Variants in CRACDL observed in about 807,000 individuals in gnomAD.
CRACDL encodes CRACD like.
Under a neutral mutation model 70.6 loss-of-function variants are expected in CRACDL, and 26 were observed. The ratio of observed to expected loss-of-function variants is 0.37; its 90% CI spans 0.27 to 0.51. CRACDL has a LOEUF of 0.51. Among genes scored for constraint, CRACDL ranks in the 20% least tolerant of loss-of-function variants. The probability of loss-of-function intolerance (pLI) is 0.94; values close to 1 mark genes in which losing one functional copy is unlikely to be tolerated. For missense variants in CRACDL, 1,283 were observed against 1,376.9 expected (o/e 0.93, Z 1.08); for synonymous variants, 618 against 615.2 (o/e 1.00, Z -0.07).
chr2:98,841,168 C>A (rs1488032812), intron 2 of CRACDL, among the ~76,000 whole-genome samples: 1 of 152,124 alleles, frequency 6.6e-6, no homozygotes, highest in African/African-American at 2.4e-5. Flanking sequence ...ACTATCCTTA[C>A]TTTTCTGAAC....
intron 3 of CRACDL, among the ~76,000 whole-genome samples, chr2:98,835,354 C>T (rs1705727300): frequency 6.6e-6 from 1 of 152,158 alleles, no homozygotes; most frequent in East Asian, 1.9e-4. Context: ...AAGGAGGGAG[C>T]CAGGGTCCTG....
At chr2:98,932,119 G>A (rs1024630271) in intron 1 of CRACDL, among the ~76,000 whole-genome samples, 2 of 152,276 alleles carry the variant, frequency 1.3e-5, no homozygotes, top group African/African-American at 2.4e-5. Context: ...GATTTTGAAC[G>A]CTGGCTGTCT....
chr2:98,915,548 T>C (rs1708643779), intron 1 of CRACDL, among the ~76,000 whole-genome samples: 1 of 152,004 alleles, frequency 6.6e-6, no homozygotes, highest in Non-Finnish European at 1.5e-5. Context: ...GAAAGTCACC[T>C]AGATCACAGA....
chr2:98,900,627 G>A (rs114660105), intron 1 of CRACDL, among the ~76,000 whole-genome samples: 5,830 of 152,186 alleles, frequency 0.038, 157 homozygotes, highest in Middle Eastern at 0.071. Context: ...GCATGCGTGC[G>A]TGCAGGTGTG....
intron 7 of CRACDL, 64 bp downstream of exon 7, chr2:98,821,793 G>C (rs999592709): frequency 1.9e-6 from 3 of 1,564,188 alleles, no homozygotes; most frequent in Non-Finnish European, 2.6e-6. Flanking sequence ...TGTCCAGCAA[G>C]ATGTGCCCGT....
At chr2:98,890,692 T>C (rs1349886142) in intron 1 of CRACDL, among the ~76,000 whole-genome samples, 1 of 152,198 alleles carries the variant, frequency 6.6e-6, no homozygotes, top group Non-Finnish European at 1.5e-5. Context: ...GCATTCCAAA[T>C]CCAAAAATCC....
Position 98,883,829 on chromosome 2 carries a change from G to A in CRACDL, c.-10-37019C>T, listed in dbSNP as rs186591374. ...GTCATCCAGGCTGTTGTTTAGGACC[G>A]AATGAGATGATGTAATGTACAAAGG... is the stretch of plus-strand genomic sequence containing the variant. On this transcript the variant is annotated intron_variant, in intron 1 of 9. Coordinates refer to ENST00000397899, the MANE Select transcript of CRACDL (RefSeq NM_207362.3). Among the ~76,000 whole-genome samples, 48 of 152,292 alleles carry A rather than the reference G, an allele frequency of 3.2e-4. 1 individual carries two copies. In the East Asian group the frequency reaches 8.5e-3, roughly 27 times the overall value.
intron 1 of CRACDL, among the ~76,000 whole-genome samples, chr2:98,878,382 A>C (rs1376626961): frequency 3.3e-5 from 5 of 152,212 alleles, no homozygotes; most frequent in African/African-American, 9.6e-5. Context: ...TTGTATTACA[A>C]TTGCCTACAG....
chr2:98,906,727 A>G (rs1708426874), intron 1 of CRACDL, among the ~76,000 whole-genome samples: 1 of 151,926 alleles, frequency 6.6e-6, no homozygotes, highest in Non-Finnish European at 1.5e-5. Context: ...TATTAGTCTC[A>G]TTGTCCTGCC....
At chr2:98,819,225 T>C (rs1489831196) in intron 7 of CRACDL, among the ~76,000 whole-genome samples, 1 of 152,242 alleles carries the variant, frequency 6.6e-6, no homozygotes, top group Non-Finnish European at 1.5e-5. Context: ...AACTTACATA[T>C]AAATAATGGG....
intron 1 of CRACDL, among the ~76,000 whole-genome samples, chr2:98,887,361 A>C (rs1036420713): frequency 6.6e-6 from 1 of 152,148 alleles, no homozygotes; most frequent in Non-Finnish European, 1.5e-5. Context: ...TGTTGTGTGC[A>C]CCTGTAGTCC....
rs527896675 is a variant in CRACDL, at chr2:98,843,239, T to C, written c.70+3492A>G. ...TAAAATTTGCTCCCCATTTTGTAACTGAGTTATTTGTTTTCTTATTTTTGA... is the reference window on the plus strand; with the variant it reads ...TAAAATTTGCTCCCCATTTTGTAACCGAGTTATTTGTTTTCTTATTTTTGA... On this transcript the variant is annotated intron_variant, in intron 2 of 9. Transcript: ENST00000397899. 2.0e-5 allele frequency among the ~76,000 whole-genome samples: 3 copies of C among 152,202 alleles called. No individual in the cohort carries two copies. The South Asian group carries it at 6.2e-4, about 31-fold the overall frequency.
At chr2:98,927,490 C>G (rs1273931045) in intron 1 of CRACDL, among the ~76,000 whole-genome samples, 1 of 147,692 alleles carries the variant, frequency 6.8e-6, no homozygotes. Flanking sequence ...GGTAAAGACT[C>G]ATCTCTTGGG....
intron 2 of CRACDL, among the ~76,000 whole-genome samples, chr2:98,839,560 A>G (rs187388281): frequency 6.6e-6 from 1 of 152,260 alleles, no homozygotes; most frequent in Non-Finnish European, 1.5e-5. Flanking sequence ...TGCTTACAGC[A>G]TTAATGGTCT....
intron 7 of CRACDL, among the ~76,000 whole-genome samples, chr2:98,802,918 G>A (rs530477605): frequency 2.2e-4 from 33 of 152,068 alleles, no homozygotes; most frequent in African/African-American, 7.7e-4. Flanking sequence ...GAAAAATTTG[G>A]TACATGGTGT....
intron 7 of CRACDL, among the ~76,000 whole-genome samples, chr2:98,800,875 A>G (rs557464310): frequency 6.6e-6 from 1 of 152,268 alleles, no homozygotes; most frequent in South Asian, 2.1e-4. Context: ...ATTCCATCCC[A>G]AACACAGAAG....
intron 5 of CRACDL, 71 bp downstream of exon 5, chr2:98,832,277 G>A: frequency 6.5e-7 from 1 of 1,533,988 alleles, no homozygotes; most frequent in Non-Finnish European, 9.0e-7. Context: ...CACACACAGG[G>A]GATCTCAGAG....
At chr2:98,889,008 G>A (rs939493985) in intron 1 of CRACDL, among the ~76,000 whole-genome samples, 1 of 151,654 alleles carries the variant, frequency 6.6e-6, no homozygotes, top group African/African-American at 2.4e-5. Context: ...TGCACCTATA[G>A]TCCCAGCTAC....
At chr2:98,842,433 T>C (rs971845204) in intron 2 of CRACDL, among the ~76,000 whole-genome samples, 3 of 151,248 alleles carry the variant, frequency 2.0e-5, no homozygotes, top group Admixed American at 6.6e-5. Context: ...AAATCCGCTA[T>C]ACCTTGTAAA....
Sources: gnomAD v4.1 joint callset for allele counts (sites outside exome capture counted in the v4.1 genomes callset) on GRCh38, gnomAD v4.1.1 for gene constraint, MANE v1.5 for transcripts, NCBI Gene and HGNC (gene_info 2026-07-23, HGNC 2026-07-21) for gene names.